ARL17A: variants seen among roughly 807,000 people sequenced by gnomAD.
ARL17A encodes ADP-ribosylation factor-like 17-like.
the ARL17A span, among the ~76,000 whole-genome samples, chr17:46,500,792 C>T: frequency 3.7e-3 from 554 of 151,100 alleles, 22 homozygotes; most frequent in East Asian, 0.038. Context: ...AATTTTTACT[C>T]ATCTGGATCT....
At chr17:46,545,076 C>T (rs1359378481) in intron 3 of ARL17A, among the ~76,000 whole-genome samples, 15 of 135,524 alleles carry the variant, frequency 1.1e-4, no homozygotes, top group East Asian at 2.3e-4. Flanking sequence ...GCCTCGTAAC[C>T]GCAGATGGCC....
rs1176462803 is a variant in ARL17A, at chr17:46,573,865, CTATT to C, written c.148+2306_148+2309del. Among the ~76,000 whole-genome samples, 3 of 73,326 alleles carry C rather than the reference CTATT, an allele frequency of 4.1e-5. 1 individual carries two copies. Among genetic ancestry groups the C allele is most frequent in the African/African-American group, 1.2e-4 (3 of 24,780 alleles). 48.1% of individuals were successfully genotyped at this position (73,326 alleles called of 152,430 possible). A position where few individuals can be genotyped will look rare whatever the true frequency, so the allele number is the denominator to read the frequency against. ...ACAGGCGTGAGCCACCATGCCCGGC[CTATT>C]TATTTATTTTTTGAGACACAGTCTT... On this transcript the variant is annotated intron_variant, in intron 2 of 3. Transcript: ENST00000336125.
rs183347689 is a variant in ARL17A, at chr17:46,544,961, T to C, written c.260-6535A>G. On this transcript the variant is annotated intron_variant, in intron 3 of 4. Coordinates refer to the ARL17A transcript ENST00000329240. ...GGCATTTTTTAAGAGTCAAAGATAG[T>C]TGTCTTGTAAATTGTCCCACAATCC... is the stretch of plus-strand genomic sequence containing the variant. Among the ~76,000 whole-genome samples the C allele has an allele frequency of 6.6e-4, 92 of 140,256 alleles. 20 individuals carry two copies. In the East Asian group the frequency reaches 0.014, roughly 22 times the overall value. 92.0% of individuals were successfully genotyped at this position (140,256 alleles called of 152,430 possible).
chr17:46,550,867 TGA>T (rs1399384633), downstream of ARL17A, among the ~76,000 whole-genome samples: 1 of 144,900 alleles, frequency 6.9e-6, no homozygotes, highest in Non-Finnish European at 1.5e-5. Flanking sequence ...GCTGAAATGA[TGA>T]GAGAGGTATA....
chr17:46,552,913 G>C lies in ARL17A; in HGVS notation c.*4443C>G, dbSNP rs1428622028. 2.1e-5 allele frequency among the ~76,000 whole-genome samples: 3 copies of C among 145,734 alleles called. No homozygotes were observed. Among genetic ancestry groups the C allele is most frequent in the African/African-American group, 8.1e-5 (3 of 37,010 alleles). On this transcript the variant is annotated 3_prime_UTR_variant, in exon 4 of 4. Coordinates refer to ENST00000336125, the MANE Select transcript of ARL17A (RefSeq NM_001113738.2). ...TAAAAATTAAAAAAAAAAATAGCCA[G>C]GTGTGGTAGTATGCACCTGTAGTCT... is the stretch of plus-strand genomic sequence containing the variant.
chr17:46,549,334 G>A (rs755662646), downstream of ARL17A: 1 of 1,603,342 alleles, frequency 6.2e-7, no homozygotes, highest in Non-Finnish European at 8.5e-7. Context: ...TGCCTTTGAA[G>A]AAAATGATTT....
At chr17:46,522,677 C>T (rs1302889685) in intron 3 of ARL17A, among the ~76,000 whole-genome samples, 1 of 50,412 alleles carries the variant, frequency 2.0e-5, no homozygotes, top group Admixed American at 1.6e-4. Flanking sequence ...ATATCCTGAC[C>T]TCAGGATCTG....
At chr17:46,550,768 G>A (rs572436046), downstream of ARL17A, among the ~76,000 whole-genome samples, 9 of 78,790 alleles carry the variant, frequency 1.1e-4, no homozygotes, top group African/African-American at 3.4e-4. Flanking sequence ...ATTTTAAGAA[G>A]TCGAAAATTT....
chr17:46,525,620 C>A (rs55904620), downstream of ARL17A, among the ~76,000 whole-genome samples: 37,389 of 97,102 alleles, frequency 0.39, 5,301 homozygotes, highest in Non-Finnish European at 0.47. Flanking sequence ...TAATAATCAT[C>A]ATCATCATCA....
chr17:46,539,461 TATAAAG>T (rs1188838316), intron 3 of ARL17A, among the ~76,000 whole-genome samples: 2 of 150,560 alleles, frequency 1.3e-5, no homozygotes, highest in African/African-American at 4.9e-5. Context: ...TTAAAAACTT[TATAAAG>T]ATAAAAGACA....
intron 3 of ARL17A, among the ~76,000 whole-genome samples, chr17:46,539,788 AAATAG>A (rs2054961937): frequency 6.8e-6 from 1 of 146,538 alleles, no homozygotes; most frequent in African/African-American, 2.6e-5. Context: ...AAAAAAAAAA[AAATAG>A]ATGAACAACT....
chr17:46,541,443 G>A (rs2055301488), intron 3 of ARL17A, among the ~76,000 whole-genome samples: 1 of 148,914 alleles, frequency 6.7e-6, no homozygotes, highest in Non-Finnish European at 1.5e-5. Context: ...GTAGAGACAA[G>A]GTTTCGCCAT....
intron 3 of ARL17A, among the ~76,000 whole-genome samples, chr17:46,545,387 G>A (rs1298521403): frequency 1.5e-5 from 2 of 132,804 alleles, no homozygotes; most frequent in Non-Finnish European, 3.1e-5. Flanking sequence ...GGGGGGTTGA[G>A]GCTGCATTGA....
chr17:46,544,662 T>C (rs1167043374), intron 3 of ARL17A, among the ~76,000 whole-genome samples: 28 of 76,436 alleles, frequency 3.7e-4, no homozygotes, highest in Non-Finnish European at 5.7e-4. Context: ...GTATTCTTAA[T>C]GACCATGCTA....
rs1237804887 is a variant in ARL17A, at chr17:46,534,088, G to A, written c.335+4263C>T. 6.5e-5 allele frequency among the ~76,000 whole-genome samples: 9 copies of A among 139,296 alleles called. No homozygotes were observed. The South Asian group carries it at 1.1e-3, about 17-fold the overall frequency. 91.4% of individuals were successfully genotyped at this position (139,296 alleles called of 152,430 possible). ...GTGCAGTGGTGCAACCACTCACAAC[G>A]TTGCAGCCTCCACCTCCCAGGCTTA... On this transcript the variant is annotated intron_variant, in intron 4 of 4. Coordinates refer to the ARL17A transcript ENST00000329240.
intron 3 of ARL17A, among the ~76,000 whole-genome samples, chr17:46,558,427 C>T (rs2057404262): frequency 8.9e-6 from 1 of 112,168 alleles, no homozygotes; most frequent in Non-Finnish European, 1.8e-5. Flanking sequence ...GTCTCTGTCA[C>T]CCAGGCTGGA....
intron 4 of ARL17A, among the ~76,000 whole-genome samples, chr17:46,534,163 A>G (rs1448671757): frequency 6.8e-6 from 1 of 147,572 alleles, no homozygotes; most frequent in Non-Finnish European, 1.5e-5. Context: ...ACAGGCATGC[A>G]CCACCATGCC....
At chr17:46,525,570 G>A (rs1484172533), downstream of ARL17A, among the ~76,000 whole-genome samples, 1 of 105,354 alleles carries the variant, frequency 9.5e-6, no homozygotes, top group Non-Finnish European at 2.1e-5. Context: ...CTGAGGGACA[G>A]AGTGAGACTC....
At chr17:46,500,657 T>C in the ARL17A span, among the ~76,000 whole-genome samples, 1 of 151,098 alleles carries the variant, frequency 6.6e-6, no homozygotes, top group East Asian at 1.9e-4. Context: ...AATGTGATAA[T>C]AGCAAATCCC....
Sources: gnomAD v4.1 joint callset for allele counts (sites outside exome capture counted in the v4.1 genomes callset) on GRCh38, gnomAD v4.1.1 for gene constraint, MANE v1.5 for transcripts, NCBI Gene and HGNC (gene_info 2026-07-23, HGNC 2026-07-21) for gene names.